DOCK3: variants seen among roughly 807,000 people sequenced by gnomAD.
DOCK3 encodes the protein dedicator of cytokinesis 3, also known as dedicator of cytokinesis protein 3.
DOCK3 carries 60 observed loss-of-function variants against 265.6 expected under a neutral mutation model. That is an observed-to-expected ratio of 0.23 (90% CI 0.18 to 0.28). The LOEUF (loss-of-function observed/expected upper bound fraction) is 0.28. Among genes scored for constraint, DOCK3 ranks in the 10% least tolerant of loss-of-function variants. DOCK3 has a pLI of 1.00. For missense variants in DOCK3, 1,981 were observed against 2,594.3 expected, an observed-to-expected ratio of 0.76 and a Z score of 5.14; for synonymous variants, 881 against 938.0, an observed-to-expected ratio of 0.94 and a Z score of 1.11.
intron 9 of DOCK3, among the ~76,000 whole-genome samples, chr3:51,108,348 T>C (rs1246355721): frequency 6.6e-6 from 1 of 152,052 alleles, no homozygotes; most frequent in Admixed American, 6.6e-5. Context: ...GCTGAGGAAA[T>C]TAGTTACCAC....
intron 5 of DOCK3, among the ~76,000 whole-genome samples, chr3:50,960,534 T>A (rs2108383617): frequency 6.6e-6 from 1 of 152,318 alleles, no homozygotes; most frequent in African/African-American, 2.4e-5. Context: ...CACCCATTTT[T>A]TTTCCATTAG....
rs1222556951 is a variant in DOCK3 at position 51,356,202 on chromosome 3, C to T, written c.4363C>T (p.Arg1455Trp). The T allele has an allele frequency of 4.3e-6, 7 of 1,613,936 alleles. No homozygotes were observed. The highest frequency in any genetic ancestry group is 5.9e-6 in the Non-Finnish European group (7 of 1,179,872). ...FYRVNNVRKF[R>W]YDRPFHKGPK... ...TCGCGTCAACAATGTGAGGAAGTTCCGGTATGACAGGCCTTTTCACAAAGG... is the reference window on the plus strand; with the variant it reads ...TCGCGTCAACAATGTGAGGAAGTTCTGGTATGACAGGCCTTTTCACAAAGG... The change falls in exon 42 of 53, where the codon CGG becomes TGG. Residue 1455 changes from arginine (R) to tryptophan (W), a missense_variant. This residue lies in a region of DOCK3 where 1,357 missense variants were observed against 1,866.8 expected (regional missense o/e 0.73). Transcript: ENST00000266037.
At chr3:50,976,987 A>G (rs1159348548) in intron 5 of DOCK3, among the ~76,000 whole-genome samples, 1 of 148,124 alleles carries the variant, frequency 6.8e-6, no homozygotes, top group South Asian at 2.2e-4. Context: ...TTTGTTTTCC[A>G]TTTGCTTGGT....
At chr3:50,767,112 C>T (rs2040938535) in intron 1 of DOCK3, among the ~76,000 whole-genome samples, 2 of 152,102 alleles carry the variant, frequency 1.3e-5, no homozygotes, top group South Asian at 4.1e-4. Flanking sequence ...TGCAGAAGCT[C>T]TTTAGTTTAA....
intron 19 of DOCK3, among the ~76,000 whole-genome samples, chr3:51,233,097 G>A (rs1340357343): frequency 6.6e-6 from 1 of 152,096 alleles, no homozygotes; most frequent in Non-Finnish European, 1.5e-5. Flanking sequence ...GCTTGCTTTG[G>A]CTATTTGGAC....
intron 21 of DOCK3, among the ~76,000 whole-genome samples, chr3:51,241,373 T>C (rs2078604198): frequency 6.6e-6 from 1 of 152,216 alleles, no homozygotes. Flanking sequence ...CATTTTGACC[T>C]TGGAGAATCT....
Position 51,315,107 on chromosome 3 carries a change from A to G in DOCK3, c.3381A>G (p.Arg1127=). Reference sequence around the variant, plus strand: ...ATGACATGATGGACTGGGAGCAGAGAAAAAATGGCAACTTCAAACAGGTAA... The same window carrying G: ...ATGACATGATGGACTGGGAGCAGAGGAAAAATGGCAACTTCAAACAGGTAA... ...IFHDMMDWEQ[R]KNGNFKQVEA... Residue 1127 remains arginine (R), a synonymous_variant, in exon 32 of 53, where the codon AGA becomes AGG. Coordinates refer to ENST00000266037, the MANE Select transcript of DOCK3 (RefSeq NM_004947.5). The G allele has an allele frequency of 6.2e-7, 1 of 1,609,676 alleles. No homozygotes were observed. The highest frequency in any genetic ancestry group is 8.5e-7 in the Non-Finnish European group (1 of 1,177,352).
intron 5 of DOCK3, among the ~76,000 whole-genome samples, chr3:51,007,913 T>C (rs1005859066): frequency 1.3e-5 from 2 of 152,250 alleles, no homozygotes; most frequent in African/African-American, 4.8e-5. Flanking sequence ...GTCAGGTTTG[T>C]CAAAGATCAG....
At chr3:51,146,210 T>G (rs1171902160) in intron 9 of DOCK3, among the ~76,000 whole-genome samples, 1 of 152,236 alleles carries the variant, frequency 6.6e-6, no homozygotes, top group Admixed American at 6.5e-5. Flanking sequence ...ATGCTTGTTA[T>G]GGATTTCGCA....
intron 5 of DOCK3, among the ~76,000 whole-genome samples, chr3:51,037,301 A>T (rs979544058): frequency 9.2e-5 from 14 of 151,558 alleles, no homozygotes; most frequent in Non-Finnish European, 1.5e-4. Flanking sequence ...TTTATTTAAA[A>T]TTTTTTTTTA....
intron 12 of DOCK3, among the ~76,000 whole-genome samples, chr3:51,172,799 C>T (rs537189048): frequency 6.6e-6 from 1 of 151,760 alleles, no homozygotes; most frequent in South Asian, 2.1e-4. Context: ...TTGTCTTCAC[C>T]TTCTGTGTAA....
chr3:50,795,593 G>A (rs1212722461), intron 2 of DOCK3, among the ~76,000 whole-genome samples: 1 of 152,148 alleles, frequency 6.6e-6, no homozygotes, highest in Non-Finnish European at 1.5e-5. Flanking sequence ...TGTTGGCAAG[G>A]ATGGCCTTGA....
At chr3:50,721,892 CTGAACTTTTGA>C (rs1157709469) in intron 1 of DOCK3, among the ~76,000 whole-genome samples, 3 of 152,066 alleles carry the variant, frequency 2.0e-5, no homozygotes, top group African/African-American at 7.2e-5. Context: ...ATTCTTTCAA[CTGAACTTTTGA>C]TGAACTTTTA....
intron 9 of DOCK3, among the ~76,000 whole-genome samples, chr3:51,111,621 C>T (rs1467389745): frequency 2.6e-5 from 4 of 151,704 alleles, no homozygotes; most frequent in Admixed American, 1.3e-4. Context: ...CCCTGGAAGA[C>T]AACCTAGGCA....
chr3:50,936,045 A>G lies in DOCK3; in HGVS notation c.315+1968A>G, dbSNP rs190495683. On this transcript the variant is annotated intron_variant, in intron 5 of 52. Transcript: ENST00000266037. ...CAGCTTTTGTAAAAATGCTTCAACA[A>G]GCAATTACAAACACTCTTGAAACAA... is the stretch of plus-strand genomic sequence containing the variant. Among the ~76,000 whole-genome samples, 20 of 152,358 alleles carry G rather than the reference A, an allele frequency of 1.3e-4. No individual in the cohort carries two copies. In the East Asian group the frequency reaches 3.1e-3, roughly 23 times the overall value.
intron 27 of DOCK3, among the ~76,000 whole-genome samples, chr3:51,305,394 C>T (rs1165112851): frequency 2.6e-5 from 4 of 152,090 alleles, no homozygotes; most frequent in African/African-American, 7.2e-5. Context: ...CGTTTGGGTA[C>T]TATTTTCATG....
intron 2 of DOCK3, among the ~76,000 whole-genome samples, chr3:50,789,331 C>G (rs896988643): frequency 2.0e-5 from 3 of 152,056 alleles, no homozygotes; most frequent in African/African-American, 7.2e-5. Context: ...CCACTGTGAT[C>G]TGAGAGAGTA....
intron 27 of DOCK3, 91 bp from the exon 28 acceptor site, chr3:51,310,141 T>C: frequency 1.1e-6 from 1 of 951,476 alleles, no homozygotes; most frequent in Middle Eastern, 2.4e-4. Flanking sequence ...GTCCCACCCA[T>C]TGTCATGATC....
intron 9 of DOCK3, among the ~76,000 whole-genome samples, chr3:51,099,185 A>G (rs767433384): frequency 8.5e-5 from 13 of 152,256 alleles, no homozygotes; most frequent in South Asian, 2.1e-4. Flanking sequence ...GCTTCTACAT[A>G]TATGCCCAAC....
Sources: allele counts gnomAD v4.1 joint callset (sites outside exome capture counted in the v4.1 genomes callset), GRCh38; gene constraint gnomAD v4.1.1; regional missense constraint gnomAD v4.1.1; transcripts MANE v1.5; gene names NCBI Gene and HGNC (gene_info 2026-07-23, HGNC 2026-07-21).